The following CDH18 variants were observed in gnomAD, a reference collection of about 807,000 sequenced individuals.
CDH18 encodes the protein cadherin-18.
CDH18 carries 31 observed loss-of-function variants against 67.9 expected under a neutral mutation model. That is an observed-to-expected ratio of 0.46 (90% confidence interval 0.34 to 0.62). CDH18 has a LOEUF of 0.62. Ranked by LOEUF, CDH18 falls within the 20% of genes least tolerant of loss-of-function variation. CDH18 has a pLI of 0.01. For missense variants in CDH18, 890 were observed against 975.5 expected (o/e 0.91, Z 1.17); for synonymous variants, 362 against 347.2 (o/e 1.04, Z -0.48).
intron 2 of CDH18, among the ~76,000 whole-genome samples, chr5:20,065,153 T>A (rs1478768488): frequency 6.6e-6 from 1 of 151,918 alleles, no homozygotes; most frequent in Admixed American, 6.6e-5. Context: ...AATTTTTCCA[T>A]TTTTTTCTAC....
At chr5:20,105,048 A>G (rs1350625232) in intron 2 of CDH18, among the ~76,000 whole-genome samples, 1 of 151,914 alleles carries the variant, frequency 6.6e-6, no homozygotes, top group East Asian at 1.9e-4. Flanking sequence ...GAGTGCAATG[A>G]CACGATCTTG....
chr5:19,633,077 A>T (rs1448390795), intron 5 of CDH18, among the ~76,000 whole-genome samples: 1 of 152,174 alleles, frequency 6.6e-6, no homozygotes, highest in Non-Finnish European at 1.5e-5. Flanking sequence ...CCCTTGTCGT[A>T]TTCAGAGAAA....
intron 2 of CDH18, among the ~76,000 whole-genome samples, chr5:20,006,088 G>A (rs1284561674): frequency 6.6e-6 from 1 of 151,892 alleles, no homozygotes; most frequent in African/African-American, 2.4e-5. Flanking sequence ...TATGTCACAA[G>A]ATTGAAAAGG....
intron 1 of CDH18, among the ~76,000 whole-genome samples, chr5:20,289,041 A>G (rs1746905965): frequency 6.6e-6 from 1 of 151,940 alleles, no homozygotes; most frequent in South Asian, 2.1e-4. Context: ...ATCATGTCAA[A>G]TTCTTTCTGA....
intron 9 of CDH18, among the ~76,000 whole-genome samples, chr5:19,541,334 T>C (rs1194777799): frequency 1.3e-5 from 2 of 151,262 alleles, no homozygotes; most frequent in Non-Finnish European, 2.9e-5. Flanking sequence ...CTCCAGGATG[T>C]TCCAAACTTT....
chr5:20,052,217 A>G (rs1741488274), intron 2 of CDH18, among the ~76,000 whole-genome samples: 1 of 152,084 alleles, frequency 6.6e-6, no homozygotes, highest in Non-Finnish European at 1.5e-5. Context: ...GGGTTGCCTG[A>G]CTTCAAAGTT....
intron 1 of CDH18, among the ~76,000 whole-genome samples, chr5:20,510,385 C>T (rs1299983690): frequency 6.6e-6 from 1 of 152,172 alleles, no homozygotes; most frequent in Non-Finnish European, 1.5e-5. Context: ...TCCTCTCTTG[C>T]TATGCAGAAA....
chr5:19,582,422 AT>A (rs1417745026), intron 7 of CDH18, among the ~76,000 whole-genome samples: 1 of 152,008 alleles, frequency 6.6e-6, no homozygotes, highest in Non-Finnish European at 1.5e-5. Flanking sequence ...CAAACGATTT[AT>A]TACTCCAGGC....
At chr5:20,086,368 C>G (rs1261051449) in intron 2 of CDH18, among the ~76,000 whole-genome samples, 1 of 152,198 alleles carries the variant, frequency 6.6e-6, no homozygotes, top group Non-Finnish European at 1.5e-5. Context: ...AGTGCTGATG[C>G]AGAAGCTACA....
At chr5:20,463,478 C>T (rs746093364) in intron 1 of CDH18, among the ~76,000 whole-genome samples, 16 of 152,044 alleles carry the variant, frequency 1.1e-4, no homozygotes, top group South Asian at 1.0e-3. Flanking sequence ...CCTCAGGAAA[C>T]GTACAATCAT....
intron 3 of CDH18, among the ~76,000 whole-genome samples, chr5:19,822,147 A>G (rs1028829513): frequency 3.4e-4 from 51 of 152,148 alleles, no homozygotes; most frequent in Non-Finnish European, 8.8e-5. Context: ...TAGGTGCTCT[A>G]AACACTCTCA....
At position 19,930,550 on chromosome 5, in the gene CDH18, A is replaced by C. The variant is rs560951428; in HGVS notation, c.-257+50510T>G. 7.2e-5 allele frequency among the ~76,000 whole-genome samples: 11 copies of C among 152,192 alleles called. No homozygotes were observed. The South Asian group carries it at 2.3e-3, about 32-fold the overall frequency. ...TTGTGTTCTACAATCATATCAATCAAGGAGGAAATATTGATCATGTGGTTA... is the reference window on the plus strand; with the variant it reads ...TTGTGTTCTACAATCATATCAATCACGGAGGAAATATTGATCATGTGGTTA... On this transcript the variant is annotated intron_variant, in intron 2 of 12. Transcript: ENST00000382275.
intron 2 of CDH18, among the ~76,000 whole-genome samples, chr5:20,107,418 C>T (rs13170493): frequency 0.43 from 65,747 of 152,016 alleles, 15,168 homozygotes; most frequent in Middle Eastern, 0.67. Flanking sequence ...TCTTAAACAA[C>T]CAGCTTGTCC....
chr5:20,505,324 A>G (rs72746843), intron 1 of CDH18, among the ~76,000 whole-genome samples: 27,651 of 152,122 alleles, frequency 0.18, 3,079 homozygotes, highest in East Asian at 0.4. Context: ...TTTATGAAAA[A>G]GTTAGAAAGG....
At chr5:20,408,990 C>T (rs1378430574) in intron 1 of CDH18, among the ~76,000 whole-genome samples, 3 of 151,756 alleles carry the variant, frequency 2.0e-5, no homozygotes, top group Non-Finnish European at 3.0e-5. Flanking sequence ...AAGGACATTA[C>T]ATAATGATAA....
At chr5:20,540,977 G>A (rs187878294) in intron 1 of CDH18, among the ~76,000 whole-genome samples, 4 of 152,248 alleles carry the variant, frequency 2.6e-5, no homozygotes, top group East Asian at 3.9e-4. Flanking sequence ...TGATGACTGA[G>A]GAAGTTCTAT....
intron 3 of CDH18, among the ~76,000 whole-genome samples, chr5:19,814,156 CTAT>C (rs1779043218): frequency 6.6e-6 from 1 of 151,162 alleles, no homozygotes; most frequent in African/African-American, 2.4e-5. Flanking sequence ...TCTCAATAGA[CTAT>C]TGAGACTTTA....
intron 2 of CDH18, among the ~76,000 whole-genome samples, chr5:20,140,002 T>A (rs948955172): frequency 6.6e-6 from 1 of 152,178 alleles, no homozygotes; most frequent in African/African-American, 2.4e-5. Context: ...CATGCTGCTA[T>A]AAAGACACAT....
At chr5:20,027,241 T>C (rs1738991845) in intron 2 of CDH18, among the ~76,000 whole-genome samples, 1 of 152,158 alleles carries the variant, frequency 6.6e-6, no homozygotes, top group South Asian at 2.1e-4. Flanking sequence ...TGTTTGAATA[T>C]ATAAATAGCT....
Sources: gnomAD v4.1 joint callset for allele counts (sites outside exome capture counted in the v4.1 genomes callset) on GRCh38, gnomAD v4.1.1 for gene constraint, MANE v1.5 for transcripts, NCBI Gene and HGNC (gene_info 2026-07-23, HGNC 2026-07-21) for gene names.